KIAA0753: variants seen among roughly 807,000 people sequenced by gnomAD.
KIAA0753 encodes the protein protein moonraker.
KIAA0753 carries 114 observed loss-of-function variants against 116.9 expected under a neutral mutation model. The observed-to-expected ratio is 0.98, with a 90% CI of 0.84 to 1.14. The LOEUF (loss-of-function observed/expected upper bound fraction) is 1.14. KIAA0753 is among the 50% of genes most tolerant of loss of function. The pLI is 0.00. For synonymous variants in KIAA0753, 405 were observed against 413.1 expected (o/e 0.98, Z 0.24); for missense variants, 1,156 against 1,172.4 (o/e 0.99, Z 0.20).
intron 16 of KIAA0753, among the ~76,000 whole-genome samples, chr17:6,594,213 G>C (rs1056494455): frequency 1.3e-5 from 2 of 151,868 alleles, no homozygotes; most frequent in Admixed American, 6.6e-5. Context: ...TCCTTCCCTG[G>C]AGCCTCCAGA....
intron 7 of KIAA0753, among the ~76,000 whole-genome samples, chr17:6,615,869 A>C (rs1386419845): frequency 6.6e-6 from 1 of 152,170 alleles, no homozygotes; most frequent in African/African-American, 2.4e-5. Context: ...AGCTGCAAAA[A>C]AACTGCACCA....
At chr17:6,580,817 A>T (rs1446956528) in intron 18 of KIAA0753, among the ~76,000 whole-genome samples, 1 of 151,832 alleles carries the variant, frequency 6.6e-6, no homozygotes, top group Non-Finnish European at 1.5e-5. Context: ...CAGCTGCCTG[A>T]CCGGCCGACG....
At position 6,579,704 on chromosome 17, in the gene KIAA0753, C is replaced by T. The variant is rs1360273030; in HGVS notation, c.*43G>A. 7.4e-7 allele frequency: 1 copy of T among 1,356,008 alleles called. No homozygotes were observed. Among genetic ancestry groups the T allele is most frequent in the African/African-American group, 1.4e-5 (1 of 70,008 alleles). The allele number at this position is 1,356,008 out of a possible 1,614,324, so 84.0% of individuals were successfully genotyped here. ...GGGCCAAAACAAAGGGTGGTGCCAT[C>T]CCTTCTCCAGTGTGACACAAATGGC... On this transcript the variant is annotated 3_prime_UTR_variant, in exon 19 of 19. Coordinates refer to ENST00000361413, the MANE Select transcript of KIAA0753 (RefSeq NM_014804.3).
At chr17:6,618,144 G>T (rs918247474) in intron 7 of KIAA0753, among the ~76,000 whole-genome samples, 4 of 152,100 alleles carry the variant, frequency 2.6e-5, no homozygotes, top group Admixed American at 6.6e-5. Context: ...CAACTACAGG[G>T]TTTGGGGAGC....
chr17:6,594,828 T>TG (rs1348497222), intron 16 of KIAA0753, 144 bp downstream of exon 16: 25 of 658,938 alleles, frequency 3.8e-5, no homozygotes, highest in Non-Finnish European at 4.8e-5. Flanking sequence ...GATAAATAGG[T>TG]GACAAAGCAA....
chr17:6,606,139 G>A (rs1412260387), intron 12 of KIAA0753, among the ~76,000 whole-genome samples: 1 of 152,160 alleles, frequency 6.6e-6, no homozygotes, highest in East Asian at 1.9e-4. Flanking sequence ...CAGTTGGGGG[G>A]AAAAGATCCT....
chr17:6,594,288 CA>C (rs1457427951), intron 16 of KIAA0753, among the ~76,000 whole-genome samples: 2 of 133,072 alleles, frequency 1.5e-5, no homozygotes, highest in East Asian at 4.8e-4. Flanking sequence ...CCCCCCCCCC[CA>C]GAACTATAGG....
At position 6,579,665 on chromosome 17, in the gene KIAA0753, T is replaced by A; in HGVS notation, c.*82A>T. 1.0e-6 allele frequency: 1 copy of A among 969,122 alleles called. No individual in the cohort carries two copies. The highest frequency in any genetic ancestry group is 1.3e-5 in the South Asian group (1 of 75,792). 60.0% of individuals were successfully genotyped at this position (969,122 alleles called of 1,614,324 possible). On this transcript the variant is annotated 3_prime_UTR_variant, in exon 19 of 19. Coordinates refer to ENST00000361413, the MANE Select transcript of KIAA0753 (RefSeq NM_014804.3). ...CTGGGCCTGGATGGACAGCTGAGGA[T>A]GAAAATTTCCTGTGGGCCAAAACAA...
intron 5 of KIAA0753, 71 bp downstream of exon 5, chr17:6,623,438 C>G: frequency 7.6e-7 from 1 of 1,307,552 alleles, no homozygotes; most frequent in Non-Finnish European, 1.1e-6. Context: ...GAGGGCCCTA[C>G]ACAATACTAA....
intron 18 of KIAA0753, among the ~76,000 whole-genome samples, chr17:6,581,299 C>T (rs1968163873): frequency 6.6e-6 from 1 of 151,884 alleles, no homozygotes; most frequent in Admixed American, 6.6e-5. Context: ...GAGAATATCC[C>T]TCAATTTGGG....
chr17:6,637,459 G>A (rs1262486135), intron 1 of KIAA0753: 6 of 152,414 alleles, frequency 3.9e-5, no homozygotes. Context: ...CCCTACCATT[G>A]GCCCTGGAAG....
intron 1 of KIAA0753, chr17:6,636,679 G>A (rs960006729): frequency 6.6e-6 from 1 of 152,232 alleles, no homozygotes; most frequent in African/African-American, 2.4e-5. Flanking sequence ...TCTCCCCCAT[G>A]CTGAGATGCC....
intron 7 of KIAA0753, among the ~76,000 whole-genome samples, chr17:6,614,731 T>C (rs2150851541): frequency 6.6e-6 from 1 of 152,340 alleles, no homozygotes; most frequent in South Asian, 2.1e-4. Context: ...TTCCTCAGTT[T>C]CAGTTACTCC....
intron 16 of KIAA0753, among the ~76,000 whole-genome samples, chr17:6,593,641 ACTGTGG>A (rs1969251252): frequency 6.6e-6 from 1 of 152,252 alleles, no homozygotes; most frequent in Admixed American, 6.5e-5. Flanking sequence ...GAATCCCAGC[ACTGTGG>A]GAGGCCGAGG....
intron 3 of KIAA0753, among the ~76,000 whole-genome samples, chr17:6,626,557 G>A (rs1263824233): frequency 2.0e-5 from 3 of 152,048 alleles, no homozygotes; most frequent in Non-Finnish European, 2.9e-5. Flanking sequence ...GCTCACTGCA[G>A]ATGATTCCCA....
Position 6,579,875 on chromosome 17 carries a change from A to G in KIAA0753, c.2787-11T>C. ...AGCTCTTCTGAAAAGCTGGAAGACA[A>G]ACAACACAACTAAAGGTATGTACAA... On this transcript the variant is annotated splice_polypyrimidine_tract_variant and intron_variant, in intron 18 of 18. Coordinates refer to ENST00000361413, the MANE Select transcript of KIAA0753 (RefSeq NM_014804.3). 6.2e-7 allele frequency: 1 copy of G among 1,601,828 alleles called. No homozygotes were observed. The highest frequency in any genetic ancestry group is 1.7e-5 in the Admixed American group (1 of 60,012).
intron 5 of KIAA0753, among the ~76,000 whole-genome samples, 172 bp from the exon 6 acceptor site, chr17:6,623,269 C>G (rs1447876216): frequency 6.6e-6 from 1 of 152,130 alleles, no homozygotes; most frequent in African/African-American, 2.4e-5. Context: ...TAGTGGCAGT[C>G]TTTTCCTTAC....
intron 8 of KIAA0753, among the ~76,000 whole-genome samples, chr17:6,611,234 C>T (rs1156974457): frequency 6.6e-6 from 1 of 152,078 alleles, no homozygotes; most frequent in Middle Eastern, 3.2e-3. Flanking sequence ...TTAGAAAGCA[C>T]TCACCCTAGG....
At chr17:6,616,680 G>T (rs1425868289) in intron 7 of KIAA0753, among the ~76,000 whole-genome samples, 1 of 152,170 alleles carries the variant, frequency 6.6e-6, no homozygotes, top group Non-Finnish European at 1.5e-5. Flanking sequence ...CAAAAAATTA[G>T]CTGGGCAGGG....
Sources: allele counts gnomAD v4.1 joint callset (sites outside exome capture counted in the v4.1 genomes callset), GRCh38; gene constraint gnomAD v4.1.1; transcripts MANE v1.5; gene names NCBI Gene and HGNC (gene_info 2026-07-23, HGNC 2026-07-21).